Variants in S100Z observed in about 807,000 individuals in gnomAD.
The protein encoded by S100Z is protein S100-Z.
S100Z carries 11 observed loss-of-function variants against 8.5 expected under a neutral mutation model. That is an observed-to-expected ratio of 1.30 (90% CI 0.82 to 2.15). The LOEUF (loss-of-function observed/expected upper bound fraction) is 2.15, where lower values mean the gene tolerates loss of function less well. S100Z is among the 30% of genes most tolerant of loss of function. The pLI is 0.00. For synonymous variants in S100Z, 34 were observed against 43.8 expected (o/e 0.78, Z 0.89); for missense variants, 126 against 117.9 (o/e 1.07, Z -0.32).
At chr5:76,946,606 C>T in the S100Z span, among the ~76,000 whole-genome samples, 1 of 152,026 alleles carries the variant, frequency 6.6e-6, no homozygotes, top group Non-Finnish European at 1.5e-5. Context: ...GAAGTCATTC[C>T]TTCTAATTTA....
chr5:76,897,175 G>A (rs575839018), intron 4 of S100Z, among the ~76,000 whole-genome samples: 6 of 152,094 alleles, frequency 3.9e-5, no homozygotes, highest in South Asian at 2.1e-4. Context: ...AGGATTGGCC[G>A]GGTGCGGTGG....
At chr5:76,870,886 C>T (rs1022979804) in intron 2 of S100Z, among the ~76,000 whole-genome samples, 2 of 152,086 alleles carry the variant, frequency 1.3e-5, no homozygotes, top group Admixed American at 6.6e-5. Flanking sequence ...TTTTGGGAGG[C>T]TGGGGTGGGA....
At chr5:76,930,730 T>A in the S100Z span, among the ~76,000 whole-genome samples, 2 of 152,196 alleles carry the variant, frequency 1.3e-5, no homozygotes, top group Non-Finnish European at 2.9e-5. Flanking sequence ...TATTGATCAC[T>A]GGGCTTGACT....
intron 1 of S100Z, among the ~76,000 whole-genome samples, chr5:76,857,097 G>C (rs12697860): frequency 0.33 from 50,516 of 151,964 alleles, 9,585 homozygotes; most frequent in South Asian, 0.65. Context: ...TTCAAGACCA[G>C]CCCGGCCAAC....
At chr5:76,881,464 T>C (rs1259960842) in intron 4 of S100Z, among the ~76,000 whole-genome samples, 1 of 152,124 alleles carries the variant, frequency 6.6e-6, no homozygotes, top group Non-Finnish European at 1.5e-5. Context: ...GCTTGATGTG[T>C]AGGGAAGGGA....
chr5:76,880,619 A>G (rs1385886387), intron 4 of S100Z, among the ~76,000 whole-genome samples: 2 of 152,216 alleles, frequency 1.3e-5, no homozygotes, highest in African/African-American at 4.8e-5. Context: ...ACTAAATGAA[A>G]GACACAAGGT....
intron 4 of S100Z, among the ~76,000 whole-genome samples, chr5:76,909,792 G>T (rs183278824): frequency 6.6e-6 from 1 of 152,306 alleles, no homozygotes; most frequent in Non-Finnish European, 1.5e-5. Context: ...GTTTTCAGAT[G>T]ATCCTGATAG....
chr5:76,879,069 T>A (rs1743298524), intron 4 of S100Z, among the ~76,000 whole-genome samples: 1 of 152,160 alleles, frequency 6.6e-6, no homozygotes, highest in Non-Finnish European at 1.5e-5. Context: ...TTGTAATAGT[T>A]CTGGACAATG....
At chr5:76,937,137 T>C in the S100Z span, among the ~76,000 whole-genome samples, 1 of 152,216 alleles carries the variant, frequency 6.6e-6, no homozygotes, top group East Asian at 1.9e-4. Flanking sequence ...CCAGATAAGA[T>C]ATTGGAAATG....
Position 76,906,138 on chromosome 5 carries a change from C to T in S100Z, c.*3-14579C>T, listed in dbSNP as rs116039659. Among the ~76,000 whole-genome samples the T allele has an allele frequency of 2.4e-3, 371 of 152,260 alleles. 2 individuals carry two copies. Among genetic ancestry groups the T allele is most frequent in the African/African-American group, 8.4e-3 (347 of 41,554 alleles). ...AGCCACCACACCCAGCCAAAAACAT[C>T]TTTTATGTTTTATTTTATTCTTTAT... On this transcript the variant is annotated intron_variant, in intron 4 of 4. Coordinates refer to ENST00000317593, the MANE Select transcript of S100Z (RefSeq NM_130772.4).
intron 1 of S100Z, among the ~76,000 whole-genome samples, chr5:76,867,476 C>G (rs1040219597): frequency 1.3e-5 from 2 of 152,094 alleles, no homozygotes; most frequent in Non-Finnish European, 2.9e-5. Flanking sequence ...TCACATACGT[C>G]TTGTCTTTCA....
intron 4 of S100Z, chr5:76,878,281 G>A (rs142508333): frequency 6.5e-6 from 1 of 152,958 alleles, no homozygotes; most frequent in African/African-American, 2.4e-5. Flanking sequence ...TGAGCAGAAA[G>A]GCGGCTAAGC....
intron 4 of S100Z, among the ~76,000 whole-genome samples, chr5:76,910,372 T>C (rs1012443445): frequency 7.2e-5 from 11 of 152,074 alleles, no homozygotes; most frequent in Non-Finnish European, 2.9e-5. Context: ...TGGTGTTCTA[T>C]AATAGGGACC....
At chr5:76,895,092 C>G (rs1208015264) in intron 4 of S100Z, among the ~76,000 whole-genome samples, 1 of 152,074 alleles carries the variant, frequency 6.6e-6, no homozygotes, top group Non-Finnish European at 1.5e-5. Context: ...GGCCACTCCC[C>G]CTCTGCATTG....
At chr5:76,903,909 A>C (rs1401011891) in intron 4 of S100Z, among the ~76,000 whole-genome samples, 1 of 151,182 alleles carries the variant, frequency 6.6e-6, no homozygotes. Context: ...GTGTGTGTGT[A>C]TTTTTAGTAG....
intron 4 of S100Z, among the ~76,000 whole-genome samples, chr5:76,910,357 A>C (rs989591952): frequency 3.3e-5 from 5 of 152,144 alleles, no homozygotes; most frequent in Non-Finnish European, 5.9e-5. Context: ...TAAACCTGGC[A>C]ACCTTGGTGT....
chr5:76,871,275 A>G (rs1743001440), intron 2 of S100Z, among the ~76,000 whole-genome samples: 1 of 152,208 alleles, frequency 6.6e-6, no homozygotes, highest in African/African-American at 2.4e-5. Flanking sequence ...GAGAATCTCC[A>G]TTAATGCAGC....
chr5:76,928,664 A>G, the S100Z span, among the ~76,000 whole-genome samples: 2 of 152,350 alleles, frequency 1.3e-5, no homozygotes, highest in East Asian at 3.9e-4. Context: ...TCATATCCAG[A>G]TGGGACTCTT....
At position 76,886,109 on chromosome 5, in the gene S100Z, G is replaced by A. The variant is rs967296812; in HGVS notation, c.*2+8275G>A. On this transcript the variant is annotated intron_variant, in intron 4 of 4. Transcript: ENST00000317593. ...AGACATGGAGAGAAGGTGTCAAGGG[G>A]TGCTTGCCCCCCAGAAAAGTGGTGC... 2.6e-5 allele frequency among the ~76,000 whole-genome samples: 4 copies of A among 151,668 alleles called. No individual in the cohort carries two copies. The East Asian group carries it at 7.8e-4, about 30-fold the overall frequency.
Sources: gnomAD v4.1 joint callset for allele counts (sites outside exome capture counted in the v4.1 genomes callset) on GRCh38, gnomAD v4.1.1 for gene constraint, MANE v1.5 for transcripts, NCBI Gene and HGNC (gene_info 2026-07-23, HGNC 2026-07-21) for gene names.